The following FZD5 variants were observed in gnomAD, a reference collection of about 807,000 sequenced individuals.
FZD5 encodes frizzled class receptor 5.
A neutral mutation model predicts 40.8 loss-of-function variants in FZD5; 12 were observed. The ratio of observed to expected loss-of-function variants is 0.29; its 90% CI spans 0.19 to 0.48. The LOEUF (loss-of-function observed/expected upper bound fraction) is 0.48, where lower values mean the gene tolerates loss of function less well. FZD5 is among the 20% of genes least tolerant of loss of function. FZD5 has a pLI of 0.99. For missense variants in FZD5, 622 were observed against 832.8 expected (o/e 0.75, Z 3.12); for synonymous variants, 380 against 383.7 (o/e 0.99, Z 0.11).
Position 207,768,398 on chromosome 2 carries a change from G to C in FZD5, c.342C>G (p.Ala114=). 1 of 1,604,834 alleles carries C rather than the reference G, an allele frequency of 6.2e-7. No individual in the cohort carries two copies. The highest frequency in any genetic ancestry group is 8.5e-7 in the Non-Finnish European group (1 of 1,178,712). ...PCRSVCERAK[A]GCSPLMRQYG... ...ACTGGCGCATCAGCGGCGAGCAGCC[G>C]GCCTTGGCGCGCTCGCACACCGAGC... The change falls in exon 2 of 2, where the codon GCC becomes GCG. Residue 114 remains alanine (A), a synonymous_variant. Transcript: ENST00000295417.
In FZD5 at chr2:207,767,634, C is replaced by T; in HGVS notation, c.1106G>A (p.Ser369Asn). The T allele has an allele frequency of 6.2e-7, 1 of 1,613,148 alleles. No individual in the cohort carries two copies. The highest frequency in any genetic ancestry group is 8.5e-7 in the Non-Finnish European group (1 of 1,179,706). Residue 369 changes from serine (S) to asparagine (N), a missense_variant, in exon 2 of 2, where the codon AGC (serine) becomes AAC (asparagine). By Grantham distance (46) the Ser-to-Asn change is conservative (BLOSUM62 1). Around this residue, in one of 4 missense-constraint regions of FZD5, gnomAD observed 208 missense variants for 348.9 expected, o/e 0.60. Coordinates refer to ENST00000295417, the MANE Select transcript of FZD5 (RefSeq NM_003468.4). ...YFHLAAWLIP[S>N]VKSITALALS... ...CGCCAGTGCCGTGATGGACTTGACGCTGGGGATGAGCCACGCAGCCAGGTG... is the reference window on the plus strand; with the variant it reads ...CGCCAGTGCCGTGATGGACTTGACGTTGGGGATGAGCCACGCAGCCAGGTG...
rs2091994720 is a variant in FZD5 at position 207,768,649 on chromosome 2, G to A, written c.91C>T (p.Pro31Ser). Residue 31 changes from proline (P) to serine (S), a missense_variant, in exon 2 of 2, where the codon CCG (proline) becomes TCG (serine). By Grantham distance (74) the Pro-to-Ser change is moderately conservative. Coordinates refer to ENST00000295417, the MANE Select transcript of FZD5 (RefSeq NM_003468.4). ...VGRAAAASKA[P>S]VCQEITVPMC... ...GGCACCGTGATTTCCTGGCACACCG[G>A]GGCCTTGGACGCGGCGGCCGCCCGG... 2 of 1,612,838 alleles carry A rather than the reference G, an allele frequency of 1.2e-6. No individual in the cohort carries two copies. Among genetic ancestry groups the A allele is most frequent in the African/African-American group, 2.7e-5 (2 of 74,896 alleles).
rs2105850218 is a variant in FZD5, at chr2:207,765,562, TCAATATACAGG to T, written c.*1409_*1419del. 6.6e-6 allele frequency: 1 copy of T among 152,600 alleles called. No individual in the cohort carries two copies. Among genetic ancestry groups the T allele is most frequent in the South Asian group, 2.1e-4 (1 of 4,822 alleles). 9.5% of individuals were successfully genotyped at this position (152,600 alleles called of 1,614,324 possible). ...TGCAAAGTGTGTGTGTGTGTGATCA[TCAATATACAGG>T]CTTTCTCAGAAGAGGAAGAAAACTA... On this transcript the variant is annotated 3_prime_UTR_variant, in exon 2 of 2. Coordinates refer to ENST00000295417, the MANE Select transcript of FZD5 (RefSeq NM_003468.4).
rs1300148000 is a variant in FZD5, at chr2:207,763,801, GAT to G, written c.*3179_*3180del. On this transcript the variant is annotated 3_prime_UTR_variant, in exon 2 of 2. Coordinates refer to ENST00000295417, the MANE Select transcript of FZD5 (RefSeq NM_003468.4). The stretch of plus-strand genomic sequence containing the variant: ...GTTTTCTCCTGGCAGCCGGTGTCAG[GAT>G]TAGCGCAGCTCCAGCCCAGGAGGCA... 1.3e-5 allele frequency: 2 copies of G among 152,828 alleles called. No individual in the cohort carries two copies. The highest frequency in any genetic ancestry group is 3.9e-4 in the East Asian group (2 of 5,182). The allele number at this position is 152,828 out of a possible 1,614,324, so 9.5% of individuals were successfully genotyped here.
At position 207,767,879 on chromosome 2, in the gene FZD5, C is replaced by A; in HGVS notation, c.861G>T (p.Val287=). The change falls in exon 2 of 2, where the codon GTG becomes GTT. Residue 287 remains valine (V), a synonymous_variant. Transcript: ENST00000295417. ...CYLCVSLGFL[V]RLVVGHASVA... ...CGCTGGCATGGCCCACGACCAGACG[C>A]ACCAGGAAGCCCAGCGACACGCACA... The A allele has an allele frequency of 2.5e-6, 4 of 1,599,218 alleles. No homozygotes were observed. Among genetic ancestry groups the A allele is most frequent in the Non-Finnish European group, 3.4e-6 (4 of 1,173,100 alleles).
rs1481475886 is a variant in FZD5, at chr2:207,764,311, A to G, written c.*2671T>C. ...TTATTTTACAGTTGCTTTCATGAGC[A>G]TGACTTGTTTCCATAATCACATGCA... On this transcript the variant is annotated 3_prime_UTR_variant, in exon 2 of 2. Transcript: ENST00000295417. The G allele has an allele frequency of 6.6e-6, 1 of 152,238 alleles. No homozygotes were observed. The highest frequency in any genetic ancestry group is 1.5e-5 in the Non-Finnish European group (1 of 68,052). The allele number at this position is 152,238 out of a possible 1,614,324, so 9.4% of individuals were successfully genotyped here.
At position 207,767,125 on chromosome 2, in the gene FZD5, A is replaced by G; in HGVS notation, c.1615T>C (p.Cys539Arg). ...SWRRFTSRCC[C>R]RPRRGHKSGG... ...CTCTTGTGGCCGCGCCGCGGGCGGC[A>G]GCAGCAGCGGCTGGTGAAACGCCGC... The change falls in exon 2 of 2, where the codon TGC (cysteine) becomes CGC (arginine). Residue 539 changes from cysteine (C) to arginine (R), a missense_variant. By Grantham distance (180) the Cys-to-Arg change is radical. This residue lies in a region of FZD5 where 154 missense variants were observed against 152.1 expected (regional missense o/e 1.01). Coordinates refer to ENST00000295417, the MANE Select transcript of FZD5 (RefSeq NM_003468.4). 6.4e-7 allele frequency: 1 copy of G among 1,565,122 alleles called. No homozygotes were observed. Among genetic ancestry groups the G allele is most frequent in the African/African-American group, 1.4e-5 (1 of 73,710 alleles).
In FZD5 at chr2:207,768,972, G is replaced by C; in HGVS notation, c.-233C>G. 1.8e-6 allele frequency: 1 copy of C among 562,938 alleles called. No individual in the cohort carries two copies. The allele number at this position is 562,938 out of a possible 1,614,324, so 34.9% of individuals were successfully genotyped here. A position where few individuals can be genotyped will look rare whatever the true frequency, so the allele number is the denominator to read the frequency against. ...ATAGGGCTGGGGAGAGACGGTTAGG[G>C]CTCGGATTCCAGGGAAAGGACTCTT... On this transcript the variant is annotated 5_prime_UTR_variant, in exon 2 of 2. Coordinates refer to ENST00000295417, the MANE Select transcript of FZD5 (RefSeq NM_003468.4).
In FZD5 at chr2:207,767,449, T is replaced by C; in HGVS notation, c.1291A>G (p.Ser431Gly). ...TTGGTGCCGCCCTGCTTGATGACGC[T>C]GCGGATGCGGAAGAGCGACACGAAG... is the stretch of plus-strand genomic sequence containing the variant. ...AGFVSLFRIR[S>G]VIKQGGTKTD... Residue 431 changes from serine (S) to glycine (G), a missense_variant, in exon 2 of 2, where the codon AGC becomes GGC. Coordinates refer to ENST00000295417, the MANE Select transcript of FZD5 (RefSeq NM_003468.4). 2 of 1,611,744 alleles carry C rather than the reference T, an allele frequency of 1.2e-6. No individual in the cohort carries two copies. Among genetic ancestry groups the C allele is most frequent in the Non-Finnish European group, 1.7e-6 (2 of 1,179,928 alleles).
rs1450982525 is a variant in FZD5, at chr2:207,767,557, G to C, written c.1183C>G (p.Gln395Glu). Residue 395 changes from glutamine (Q) to glutamate (E), a missense_variant, in exon 2 of 2, where the codon CAG becomes GAG. By Grantham distance (29) the Gln-to-Glu change is conservative. Transcript: ENST00000295417. ...AAGCCGCGCAGCGAGTTCAGGTTCT[G>C]GTTGCCCACGTAGCAGATGCCGGCC... ...PVAGICYVGN[Q>E]NLNSLRGFVL... is the part of the protein sequence containing the mutation. 4 of 1,611,080 alleles carry C rather than the reference G, an allele frequency of 2.5e-6. No individual in the cohort carries two copies. Among genetic ancestry groups the C allele is most frequent in the Non-Finnish European group, 2.5e-6 (3 of 1,179,904 alleles).
At position 207,768,194 on chromosome 2, in the gene FZD5, G is replaced by A. The variant is rs779672529; in HGVS notation, c.546C>T (p.Cys182=). The A allele has an allele frequency of 6.3e-7, 1 of 1,595,352 alleles. No individual in the cohort carries two copies. Among genetic ancestry groups the A allele is most frequent in the Admixed American group, 1.7e-5 (1 of 58,842 alleles). Residue 182 remains cysteine (C), a synonymous_variant, in exon 2 of 2, where the codon TGC becomes TGT. Coordinates refer to ENST00000295417, the MANE Select transcript of FZD5 (RefSeq NM_003468.4). ...TGCACACGAACGGGCCCCCAGCGGGGCATTCGCCCCCCGAGGCCGGCGCCC... is the reference window on the plus strand; with the variant it reads ...TGCACACGAACGGGCCCCCAGCGGGACATTCGCCCCCCGAGGCCGGCGCCC... ...PPGAPASGGE[C]PAGGPFVCKC...
In FZD5 at chr2:207,766,925, C is replaced by G; in HGVS notation, c.*57G>C. 1.5e-6 allele frequency: 2 copies of G among 1,342,260 alleles called. No individual in the cohort carries two copies. Among genetic ancestry groups the G allele is most frequent in the South Asian group, 3.5e-5 (2 of 57,494 alleles). The allele number at this position is 1,342,260 out of a possible 1,614,324, so 83.1% of individuals were successfully genotyped here. On this transcript the variant is annotated 3_prime_UTR_variant, in exon 2 of 2. Coordinates refer to ENST00000295417, the MANE Select transcript of FZD5 (RefSeq NM_003468.4). The stretch of plus-strand genomic sequence containing the variant: ...ACGGAAGTGACCTTGGCAAAACTAC[C>G]AAACAAAACGCCCCCCTCCCCTCAG...
At position 207,768,272 on chromosome 2, in the gene FZD5, G is replaced by A. The variant is rs1182987267; in HGVS notation, c.468C>T (p.Thr156=). ...CTGGGAAAGGCCTGGGGGGCGCCGT[G>A]GTGGCCTCGCTGCGGTTGTAATCCA... ...LCMDYNRSEA[T]TAPPRPFPAK... Residue 156 remains threonine (T), a synonymous_variant, in exon 2 of 2, where the codon ACC becomes ACT. Coordinates refer to ENST00000295417, the MANE Select transcript of FZD5 (RefSeq NM_003468.4). The A allele has an allele frequency of 5.8e-6, 9 of 1,544,116 alleles. No homozygotes were observed. The highest frequency in any genetic ancestry group is 7.8e-6 in the Non-Finnish European group (9 of 1,150,082).
Position 207,768,076 on chromosome 2 carries a change from A to T in FZD5, c.664T>A (p.Cys222Ser). ...TGQVPNCAVP[C>S]YQPSFSADER... ...TCGGCACTGAAGGACGGCTGGTAGC[A>T]GGGTACCGCGCAGTTGGGCACCTGG... Residue 222 changes from cysteine (C) to serine (S), a missense_variant, in exon 2 of 2, where the codon TGC becomes AGC. This residue lies in a region of FZD5 where 116 missense variants were observed against 117.7 expected (regional missense o/e 0.99). Transcript: ENST00000295417. 1 of 1,613,386 alleles carries T rather than the reference A, an allele frequency of 6.2e-7. No homozygotes were observed. The highest frequency in any genetic ancestry group is 8.5e-7 in the Non-Finnish European group (1 of 1,179,734).
At position 207,765,259 on chromosome 2, in the gene FZD5, A is replaced by G. The variant is rs2091973676; in HGVS notation, c.*1723T>C. 6.6e-6 allele frequency: 1 copy of G among 152,176 alleles called. No individual in the cohort carries two copies. The highest frequency in any genetic ancestry group is 6.5e-5 in the Admixed American group (1 of 15,272). 9.4% of individuals were successfully genotyped at this position (152,176 alleles called of 1,614,324 possible). Reference sequence around the variant, plus strand: ...GCCTACACTCAAGTTGTTTTCCTAGACAGGATTTTCTCAAATGTTAATTGC... The same window carrying G: ...GCCTACACTCAAGTTGTTTTCCTAGGCAGGATTTTCTCAAATGTTAATTGC... On this transcript the variant is annotated 3_prime_UTR_variant, in exon 2 of 2. Transcript: ENST00000295417.
At position 207,764,653 on chromosome 2, in the gene FZD5, A is replaced by C. The variant is rs1032829153; in HGVS notation, c.*2329T>G. The C allele has an allele frequency of 6.6e-6, 1 of 152,162 alleles. No individual in the cohort carries two copies. Among genetic ancestry groups the C allele is most frequent in the Non-Finnish European group, 1.5e-5 (1 of 67,990 alleles). The allele number at this position is 152,162 out of a possible 1,614,324, so 9.4% of individuals were successfully genotyped here. On this transcript the variant is annotated 3_prime_UTR_variant, in exon 2 of 2. Transcript: ENST00000295417. Reference sequence around the variant, plus strand: ...GTTCAGCATGTTGCTAAAACAAAACAAAAAAAAATTCTAAAAATGAATTAA... The same window carrying C: ...GTTCAGCATGTTGCTAAAACAAAACCAAAAAAAATTCTAAAAATGAATTAA...
rs891263228 is a variant in FZD5 at position 207,765,274 on chromosome 2, A to C, written c.*1708T>G. ...GTTTTCCTAGACAGGATTTTCTCAA[A>C]TGTTAATTGCTCTGGCCATTTTAGC... On this transcript the variant is annotated 3_prime_UTR_variant, in exon 2 of 2. Coordinates refer to ENST00000295417, the MANE Select transcript of FZD5 (RefSeq NM_003468.4). The C allele has an allele frequency of 1.3e-5, 2 of 152,206 alleles. No individual in the cohort carries two copies. The highest frequency in any genetic ancestry group is 1.9e-4 in the East Asian group (1 of 5,204). The allele number at this position is 152,206 out of a possible 1,614,324, so 9.4% of individuals were successfully genotyped here.
At position 207,764,363 on chromosome 2, in the gene FZD5, G is replaced by T. The variant is rs1039403083; in HGVS notation, c.*2619C>A. 6.6e-6 allele frequency: 1 copy of T among 152,014 alleles called. No homozygotes were observed. Among genetic ancestry groups the T allele is most frequent in the African/African-American group, 2.4e-5 (1 of 41,380 alleles). The allele number at this position is 152,014 out of a possible 1,614,324, so 9.4% of individuals were successfully genotyped here. On this transcript the variant is annotated 3_prime_UTR_variant, in exon 2 of 2. Coordinates refer to ENST00000295417, the MANE Select transcript of FZD5 (RefSeq NM_003468.4). Reference sequence around the variant, plus strand: ...ATTGGGGGAAGTAACTATATGGATGGAAACAGGGGGTGGCTGTAAGTAGAT... The same window carrying T: ...ATTGGGGGAAGTAACTATATGGATGTAAACAGGGGGTGGCTGTAAGTAGAT...
In FZD5 at chr2:207,766,937, C is replaced by A; in HGVS notation, c.*45G>T. On this transcript the variant is annotated 3_prime_UTR_variant, in exon 2 of 2. Coordinates refer to ENST00000295417, the MANE Select transcript of FZD5 (RefSeq NM_003468.4). ...TTGGCAAAACTACCAAACAAAACGC[C>A]CCCCTCCCCTCAGCTCTCCGGCCGA... is the stretch of plus-strand genomic sequence containing the variant. 2 of 1,375,562 alleles carry A rather than the reference C, an allele frequency of 1.5e-6. No individual in the cohort carries two copies. The highest frequency in any genetic ancestry group is 1.9e-4 in the Middle Eastern group (1 of 5,188). 85.2% of individuals were successfully genotyped at this position (1,375,562 alleles called of 1,614,324 possible). A position where few individuals can be genotyped will look rare whatever the true frequency, so the allele number is the denominator to read the frequency against.
Sources: allele counts gnomAD v4.1 joint callset, GRCh38; gene constraint gnomAD v4.1.1; regional missense constraint gnomAD v4.1.1; transcripts MANE v1.5; gene names NCBI Gene and HGNC (gene_info 2026-07-23, HGNC 2026-07-21).